The following SNX29 variants were observed in gnomAD, a reference collection of about 807,000 sequenced individuals.
SNX29 encodes the protein sorting nexin 29.
In SNX29, 78 loss-of-function variants were observed where a neutral mutation model predicts 102.1. That is an observed-to-expected ratio of 0.76 (90% confidence interval 0.64 to 0.92). SNX29 has a LOEUF of 0.92. Ranked by LOEUF, SNX29 falls within the 40% of genes least tolerant of loss-of-function variation. SNX29 has a pLI of 0.00. For missense variants in SNX29, 1,280 were observed against 1,061.7 expected (o/e 1.21, Z -2.86); for synonymous variants, 580 against 414.5 (o/e 1.40, Z -4.85).
chr16:12,062,132 A>G (rs1186574591), intron 9 of SNX29, among the ~76,000 whole-genome samples: 1 of 152,106 alleles, frequency 6.6e-6, no homozygotes, highest in Non-Finnish European at 1.5e-5. Flanking sequence ...TAATCCCAGC[A>G]CTTTGTGAAG....
At chr16:12,501,266 TG>T (rs1350010732) in intron 19 of SNX29, among the ~76,000 whole-genome samples, 2 of 152,010 alleles carry the variant, frequency 1.3e-5, no homozygotes, top group Non-Finnish European at 2.9e-5. Flanking sequence ...TAGCTGGGTG[TG>T]GTGGTGTGCC....
chr16:12,543,413 A>T (rs962398888), intron 20 of SNX29, among the ~76,000 whole-genome samples: 1 of 152,180 alleles, frequency 6.6e-6, no homozygotes. Flanking sequence ...CGATTCACTG[A>T]AAGGAGAGAA....
chr16:12,527,808 T>C (rs1302760991), intron 20 of SNX29, among the ~76,000 whole-genome samples: 1 of 151,904 alleles, frequency 6.6e-6, no homozygotes, highest in East Asian at 1.9e-4. Flanking sequence ...TGTTTTGTTA[T>C]TTATTTTTCT....
intron 15 of SNX29, among the ~76,000 whole-genome samples, chr16:12,286,142 CTGTT>C (rs1221123753): frequency 4.0e-5 from 6 of 151,388 alleles, no homozygotes; most frequent in Admixed American, 2.0e-4. Flanking sequence ...TATGCCTGTC[CTGTT>C]TGTTTTTTTT....
At chr16:12,326,767 C>CG (rs397702689) in intron 15 of SNX29, among the ~76,000 whole-genome samples, 2 of 366 alleles carry the variant, frequency 5.5e-3, no homozygotes, top group East Asian at 0.17. Flanking sequence ...ATTATACTAG[C>CG]TTGTGGTACT....
intron 10 of SNX29, among the ~76,000 whole-genome samples, chr16:12,073,051 T>G (rs1286354141): frequency 6.6e-6 from 1 of 152,180 alleles, no homozygotes; most frequent in Non-Finnish European, 1.5e-5. Context: ...TATTTGATTC[T>G]TCTCTCTTTT....
chr16:12,535,359 C>G (rs116893596), intron 20 of SNX29, among the ~76,000 whole-genome samples: 3,012 of 152,310 alleles, frequency 0.02, 83 homozygotes, highest in South Asian at 0.1. Context: ...TGGTCTCGAA[C>G]TCCTGGCCTC....
At chr16:12,421,167 C>T (rs925565752) in intron 18 of SNX29, among the ~76,000 whole-genome samples, 6 of 152,278 alleles carry the variant, frequency 3.9e-5, no homozygotes, top group African/African-American at 1.2e-4. Context: ...CACAATCTTT[C>T]GAAACCCAAG....
At chr16:12,474,115 G>A (rs953465286) in intron 18 of SNX29, among the ~76,000 whole-genome samples, 1 of 152,108 alleles carries the variant, frequency 6.6e-6, no homozygotes, top group Non-Finnish European at 1.5e-5. Flanking sequence ...GAGGGCAGAG[G>A]GCAGGTAGCC....
intron 18 of SNX29, among the ~76,000 whole-genome samples, chr16:12,416,109 G>C (rs1157722497): frequency 6.6e-6 from 1 of 152,150 alleles, no homozygotes; most frequent in Non-Finnish European, 1.5e-5. Context: ...CTTTGCATCA[G>C]CCTGTAGGAG....
chr16:12,450,568 G>T (rs889814), intron 18 of SNX29, among the ~76,000 whole-genome samples: 58,712 of 152,086 alleles, frequency 0.39, 11,574 homozygotes, highest in African/African-American at 0.46. Context: ...CGAATCATAG[G>T]CTCTGTCCAG....
intron 14 of SNX29, among the ~76,000 whole-genome samples, chr16:12,210,958 C>G (rs1410461895): frequency 6.6e-6 from 1 of 152,116 alleles, no homozygotes; most frequent in African/African-American, 2.4e-5. Context: ...ACCTGCAACC[C>G]TGTTTTGAGG....
chr16:12,435,688 C>T lies in SNX29; in HGVS notation c.2037+32159C>T, dbSNP rs80053247. ...CATCCAGTAGCCCAGTCTGGGTCCT[C>T]AGCCTTGTGGGGTTCTTTTGCTTTG... On this transcript the variant is annotated intron_variant, in intron 18 of 20. Coordinates refer to ENST00000566228, the MANE Select transcript of SNX29 (RefSeq NM_032167.5). 3.7e-3 allele frequency among the ~76,000 whole-genome samples: 562 copies of T among 152,346 alleles called. 6 individuals carry two copies. The highest frequency in any genetic ancestry group is 0.013 in the African/African-American group (529 of 41,584).
At position 12,027,457 on chromosome 16, in the gene SNX29, C is replaced by G; in HGVS notation, c.247+13C>G. The G allele has an allele frequency of 6.2e-7, 1 of 1,613,168 alleles. No homozygotes were observed. The highest frequency in any genetic ancestry group is 8.5e-7 in the Non-Finnish European group (1 of 1,179,632). On this transcript the variant is annotated intron_variant, in intron 4 of 20. Transcript: ENST00000566228. ...AAAACCGAAACAGGTACTGCTCTGC[C>G]TGGCTGTAGCTTGGAGGAGCTTGTC...
intron 14 of SNX29, among the ~76,000 whole-genome samples, chr16:12,239,566 T>A (rs2078036712): frequency 7.1e-6 from 1 of 140,456 alleles, no homozygotes; most frequent in South Asian, 2.2e-4. Flanking sequence ...GGTGGCTCAC[T>A]CCTGTAATCC....
chr16:12,548,383 C>G (rs890585267), intron 20 of SNX29, among the ~76,000 whole-genome samples: 1 of 152,186 alleles, frequency 6.6e-6, no homozygotes, highest in Non-Finnish European at 1.5e-5. Context: ...GAGTCCCACA[C>G]CTTCTAAGGT....
intron 14 of SNX29, among the ~76,000 whole-genome samples, chr16:12,246,302 CT>C (rs2078257889): frequency 1.3e-5 from 2 of 151,966 alleles, no homozygotes; most frequent in African/African-American, 2.4e-5. Flanking sequence ...GGACTAGTCT[CT>C]GGATTAAAAA....
At chr16:12,425,546 AAAAAAAATAAAAAGAG>A (rs2085035363) in intron 18 of SNX29, among the ~76,000 whole-genome samples, 1 of 35,242 alleles carries the variant, frequency 2.8e-5, no homozygotes, top group African/African-American at 7.2e-5. Flanking sequence ...AAAAAAAAAT[AAAAAAAATAAAAAGAG>A]GGAATAGAAA....
intron 19 of SNX29, among the ~76,000 whole-genome samples, chr16:12,500,994 A>G (rs2089093658): frequency 1.3e-5 from 2 of 152,156 alleles, no homozygotes; most frequent in South Asian, 2.1e-4. Context: ...TTATGTTGTC[A>G]TATTGGGGTG....
Sources: allele counts gnomAD v4.1 joint callset (sites outside exome capture counted in the v4.1 genomes callset), GRCh38; gene constraint gnomAD v4.1.1; transcripts MANE v1.5; gene names NCBI Gene and HGNC (gene_info 2026-07-23, HGNC 2026-07-21).